FGF13: variants seen among roughly 807,000 people sequenced by gnomAD.
FGF13 encodes fibroblast growth factor 13, also known as fibroblast growth factor homologous factor 2.
FGF13 carries 2 observed loss-of-function variants against 19.5 expected under a neutral mutation model. The ratio of observed to expected loss-of-function variants is 0.10; its 90% CI spans 0.04 to 0.32. The LOEUF is 0.32. Ranked by LOEUF, FGF13 falls within the 10% of genes least tolerant of loss-of-function variation. The pLI is 1.00. For synonymous variants in FGF13, 72 were observed against 76.9 expected (o/e 0.94, Z 0.33); for missense variants, 113 against 192.7 (o/e 0.59, Z 2.45).
chrX:139,116,144 A>G (rs2083638207), intron 1 of FGF13, among the ~76,000 whole-genome samples: 1 of 112,205 alleles, frequency 8.9e-6, no homozygotes, highest in African/African-American at 3.2e-5. Context: ...TACAAAACCT[A>G]TGTCTTGATT....
chrX:139,045,016 G>A (rs1447505542), intron 1 of FGF13, among the ~76,000 whole-genome samples: 3 of 112,302 alleles, frequency 2.7e-5, no homozygotes, highest in South Asian at 3.7e-4. Context: ...CTCTGTGGGG[G>A]CTCTGCCCCT....
chrX:138,680,520 A>G (rs750276794), intron 3 of FGF13, among the ~76,000 whole-genome samples: 1 of 112,108 alleles, frequency 8.9e-6, no homozygotes, highest in East Asian at 2.8e-4. Context: ...CATCTCCATT[A>G]GAACTCTTAG....
chrX:138,657,058 C>T, intron 3 of FGF13, among the ~76,000 whole-genome samples: 1 of 111,329 alleles, frequency 9.0e-6, no homozygotes, highest in Non-Finnish European at 1.9e-5. Context: ...CATAGATCAC[C>T]CCTGTGCACT....
chrX:138,879,884 T>C (rs1298727723), intron 1 of FGF13, among the ~76,000 whole-genome samples: 1 of 111,282 alleles, frequency 9.0e-6, no homozygotes, highest in Admixed American at 9.6e-5. Context: ...ATCATCAGAG[T>C]GAACAGGCAA....
At chrX:139,171,880 C>T (rs1408456387) in intron 1 of FGF13, among the ~76,000 whole-genome samples, 17 of 111,997 alleles carry the variant, frequency 1.5e-4, no homozygotes, top group African/African-American at 5.5e-4. Context: ...TATGATATTG[C>T]TTTGACATGC....
chrX:138,809,666 G>A (rs1241128831), intron 3 of FGF13, among the ~76,000 whole-genome samples: 2 of 111,787 alleles, frequency 1.8e-5, no homozygotes, highest in Non-Finnish European at 3.8e-5. Flanking sequence ...GTCCCCGTTT[G>A]CAGATGACAT....
chrX:138,815,176 CA>C (rs1249386088), intron 3 of FGF13, among the ~76,000 whole-genome samples: 1 of 109,932 alleles, frequency 9.1e-6, no homozygotes, highest in Non-Finnish European at 1.9e-5. Flanking sequence ...TGCTGGTTGC[CA>C]GGGGCTGGGG....
chrX:139,053,666 T>G (rs1357300917), intron 1 of FGF13, among the ~76,000 whole-genome samples: 9 of 111,835 alleles, frequency 8.0e-5, no homozygotes. Context: ...CTTTGTCCGA[T>G]GTACAGATTG....
At chrX:138,857,420 A>G, downstream of FGF13, 1 of 947,908 alleles carries the variant, frequency 1.1e-6, no homozygotes. Flanking sequence ...AACAACACAC[A>G]GCACACCAGA....
At chrX:139,127,452 C>T (rs1188682346) in intron 1 of FGF13, among the ~76,000 whole-genome samples, 1 of 111,566 alleles carries the variant, frequency 9.0e-6, no homozygotes, top group Non-Finnish European at 1.9e-5. Flanking sequence ...AGGTCTGAGG[C>T]AGGAAAGGGG....
chrX:139,029,874 C>T (rs1330124472), intron 1 of FGF13, among the ~76,000 whole-genome samples: 4 of 111,783 alleles, frequency 3.6e-5, no homozygotes, highest in Admixed American at 2.9e-4. Context: ...CCAGTTAGTT[C>T]AATAGTCAAG....
intron 1 of FGF13, among the ~76,000 whole-genome samples, chrX:139,025,567 G>A: frequency 1.8e-5 from 2 of 111,545 alleles, no homozygotes; most frequent in Middle Eastern, 4.6e-3. Flanking sequence ...TCCTTCTGTG[G>A]CATTGGTCTT....
intron 3 of FGF13, among the ~76,000 whole-genome samples, chrX:138,798,124 C>T (rs1256475464): frequency 8.9e-6 from 1 of 111,894 alleles, no homozygotes; most frequent in Non-Finnish European, 1.9e-5. Context: ...TGGGAGAGGG[C>T]ATCCTTTTGT....
chrX:139,158,283 G>C (rs2083997004), intron 1 of FGF13, among the ~76,000 whole-genome samples: 2 of 110,338 alleles, frequency 1.8e-5, no homozygotes, highest in Admixed American at 1.9e-4. Flanking sequence ...CCTGGAAAGG[G>C]GGGTGCAGCC....
chrX:139,067,474 T>A (rs1257549091), intron 1 of FGF13, among the ~76,000 whole-genome samples: 2 of 111,413 alleles, frequency 1.8e-5, no homozygotes, highest in African/African-American at 6.5e-5. Flanking sequence ...TCACAAACAT[T>A]CCTACACACC....
At chrX:139,160,045 T>A (rs1161421201) in intron 1 of FGF13, among the ~76,000 whole-genome samples, 12 of 111,736 alleles carry the variant, frequency 1.1e-4, no homozygotes, top group Non-Finnish European at 3.8e-5. Context: ...ACATTCTTCT[T>A]AGCACCACAT....
intron 1 of FGF13, among the ~76,000 whole-genome samples, chrX:138,951,789 G>GTTACTAGCCTGT (rs2091814198): frequency 8.9e-6 from 1 of 111,918 alleles, no homozygotes; most frequent in African/African-American, 3.2e-5. Flanking sequence ...CTAGTACCCT[G>GTTACTAGCCTGT]TTAGGTATAG....
chrX:139,069,104 C>A (rs1367413193), intron 1 of FGF13, among the ~76,000 whole-genome samples: 3 of 99,225 alleles, frequency 3.0e-5, no homozygotes, highest in East Asian at 3.2e-4. Flanking sequence ...CCAGCCATCC[C>A]ATTACTGGGT....
At chrX:138,962,779 A>T (rs760223198) in intron 1 of FGF13, among the ~76,000 whole-genome samples, 2 of 111,784 alleles carry the variant, frequency 1.8e-5, no homozygotes, top group African/African-American at 6.5e-5. Context: ...TTTCACTCAT[A>T]GGTGGGAATT....
Sources: gnomAD v4.1 joint callset for allele counts (sites outside exome capture counted in the v4.1 genomes callset) on GRCh38, gnomAD v4.1.1 for gene constraint, MANE v1.5 for transcripts, NCBI Gene and HGNC (gene_info 2026-07-23, HGNC 2026-07-21) for gene names.